SNRPN: variants seen among roughly 807,000 people sequenced by gnomAD.
SNRPN encodes the protein small nuclear ribonucleoprotein-associated protein N.
A neutral mutation model predicts 25.2 loss-of-function variants in SNRPN; 7 were observed. The observed-to-expected ratio is 0.28, with a 90% CI of 0.16 to 0.52. SNRPN has a LOEUF of 0.52. Ranked by LOEUF, SNRPN falls within the 20% of genes least tolerant of loss-of-function variation. SNRPN has a pLI of 0.96. For synonymous variants in SNRPN, 124 were observed against 110.6 expected (o/e 1.12, Z -0.76); for missense variants, 196 against 322.5 (o/e 0.61, Z 3.00).
At chr15:24,854,701 C>T (rs903260740), upstream of SNRPN, among the ~76,000 whole-genome samples, 2 of 152,116 alleles carry the variant, frequency 1.3e-5, no homozygotes, top group Middle Eastern at 3.2e-3. Flanking sequence ...TTTAACACAG[C>T]GACTATTAAT....
In SNRPN at chr15:24,873,433, TCTC is replaced by T. The variant is rs1180519704; in HGVS notation, c.-578-13080_-578-13078del. On this transcript the variant is annotated intron_variant, in intron 1 of 11. Coordinates refer to the SNRPN transcript ENST00000400097. ...CCTCTGCCTCCTGGGTTCAAGCAAT[TCTC>T]CTGCAAATATTTTGTCTCTCTTTTT... Among the ~76,000 whole-genome samples the T allele has an allele frequency of 1.8e-5, 2 of 112,892 alleles. 1 individual carries two copies. Among genetic ancestry groups the T allele is most frequent in the African/African-American group, 6.4e-5 (2 of 31,470 alleles). The allele number at this position is 112,892 out of a possible 152,430, so 74.1% of individuals were successfully genotyped here.
At chr15:24,919,959 TC>T (rs1283821849) in intron 2 of SNRPN, 1 of 152,196 alleles carries the variant, frequency 6.6e-6, no homozygotes, top group Non-Finnish European at 1.5e-5. Context: ...TACATGTACT[TC>T]TATTTTGAAT....
intron 1 of SNRPN, among the ~76,000 whole-genome samples, chr15:24,961,532 A>ACGTAACATGG (rs2074809082): frequency 6.6e-6 from 1 of 152,124 alleles, no homozygotes; most frequent in East Asian, 1.9e-4. Context: ...GGTTCTGCAG[A>ACGTAACATGG]CGTAACATGG....
intron 2 of SNRPN, among the ~76,000 whole-genome samples, chr15:24,965,843 T>C (rs1416975236): frequency 6.6e-6 from 1 of 152,030 alleles, no homozygotes; most frequent in Non-Finnish European, 1.5e-5. Context: ...TAGAGAATTA[T>C]CTTACGTTTC....
chr15:24,873,763 G>T (rs1476624118), intron 1 of SNRPN, among the ~76,000 whole-genome samples: 1 of 151,966 alleles, frequency 6.6e-6, no homozygotes, highest in South Asian at 2.1e-4. Context: ...TCTTTTTATG[G>T]TCTGAAATCA....
chr15:24,939,089 A>G (rs1000038652), intron 3 of SNRPN, among the ~76,000 whole-genome samples: 23 of 152,208 alleles, frequency 1.5e-4, no homozygotes, highest in Non-Finnish European at 2.9e-5. Context: ...AGTCAAACAC[A>G]GAAGCTAAGA....
chr15:24,831,581 T>C (rs2050522438), intron 2 of SNRPN, among the ~76,000 whole-genome samples: 1 of 152,026 alleles, frequency 6.6e-6, no homozygotes, highest in Non-Finnish European at 1.5e-5. Flanking sequence ...TTTTTCTTCC[T>C]ATCTAACTGA....
chr15:24,943,325 C>T (rs184654991), intron 3 of SNRPN, among the ~76,000 whole-genome samples: 1 of 152,270 alleles, frequency 6.6e-6, no homozygotes, highest in East Asian at 1.9e-4. Flanking sequence ...TTGTCCACTT[C>T]TGGGTGGTAT....
At chr15:24,969,822 A>G (rs746504967) in intron 3 of SNRPN, among the ~76,000 whole-genome samples, 19 of 152,222 alleles carry the variant, frequency 1.2e-4, no homozygotes, top group Non-Finnish European at 2.4e-4. Context: ...TATCTGGACC[A>G]CTACCTGTGT....
In SNRPN at chr15:24,977,048, G is replaced by T; in HGVS notation, c.420+19G>T. 1.3e-6 allele frequency: 2 copies of T among 1,540,390 alleles called. No homozygotes were observed. Among genetic ancestry groups the T allele is most frequent in the East Asian group, 2.3e-5 (1 of 43,244 alleles). On this transcript the variant is annotated intron_variant, in intron 7 of 9. Transcript: ENST00000390687. The stretch of plus-strand genomic sequence containing the variant: ...CCAGCAGGTGAGGAACCAGCAGAGG[G>T]TTTTATATTATTGGGAGAATATGAC...
chr15:24,846,910 A>T (rs889406828), intron 2 of SNRPN, among the ~76,000 whole-genome samples: 1 of 152,312 alleles, frequency 6.6e-6, no homozygotes, highest in East Asian at 1.9e-4. Context: ...TTTGAAAGAA[A>T]AAACAAATGT....
chr15:24,825,181 C>A (rs1448965421), intron 1 of SNRPN, among the ~76,000 whole-genome samples: 2 of 151,534 alleles, frequency 1.3e-5, no homozygotes, highest in Non-Finnish European at 2.9e-5. Context: ...GTTTCAATAC[C>A]CTATACAGAA....
intron 3 of SNRPN, among the ~76,000 whole-genome samples, chr15:24,970,228 C>T (rs1439905523): frequency 2.0e-5 from 3 of 152,098 alleles, no homozygotes; most frequent in Non-Finnish European, 2.9e-5. Flanking sequence ...TTAAACACTT[C>T]GTACCCGTTT....
At chr15:24,869,556 C>G (rs571206547) in intron 1 of SNRPN, among the ~76,000 whole-genome samples, 2 of 152,264 alleles carry the variant, frequency 1.3e-5, no homozygotes, top group East Asian at 3.9e-4. Flanking sequence ...ATGACATTAA[C>G]ATCCCCAATT....
intron 2 of SNRPN, among the ~76,000 whole-genome samples, chr15:24,894,903 G>A (rs2057975060): frequency 6.6e-6 from 1 of 152,174 alleles, no homozygotes. Flanking sequence ...TGTAACAAGA[G>A]ACAGATTAAT....
At chr15:24,943,445 G>A (rs1348403614) in intron 3 of SNRPN, among the ~76,000 whole-genome samples, 1 of 152,116 alleles carries the variant, frequency 6.6e-6, no homozygotes, top group East Asian at 1.9e-4. Context: ...GATAGAGAAA[G>A]CAGTGTAGCA....
rs555593497 is a variant in SNRPN at position 24,943,028 on chromosome 15, C to CT, written c.-390-19073dup. Among the ~76,000 whole-genome samples, 612 of 145,612 alleles carry CT rather than the reference C, an allele frequency of 4.2e-3. 2 individuals are homozygous for CT. Among genetic ancestry groups the CT allele is most frequent in the South Asian group, 0.018 (81 of 4,500 alleles). On this transcript the variant is annotated intron_variant, in intron 3 of 11. Transcript: ENST00000400097. ...TTCACATGGCCACAAATGTCTTTAC[C>CT]TTTTTTTTTTTTTGGGGCTGATTTA...
chr15:24,853,578 G>A (rs938545670), upstream of SNRPN, among the ~76,000 whole-genome samples: 15 of 151,894 alleles, frequency 9.9e-5, no homozygotes, highest in African/African-American at 3.6e-4. Context: ...TATTTTTAGT[G>A]GAGACGGGGT....
intron 2 of SNRPN, among the ~76,000 whole-genome samples, chr15:24,846,127 C>T (rs1031164738): frequency 2.0e-4 from 31 of 151,962 alleles, no homozygotes; most frequent in Non-Finnish European, 3.7e-4. Flanking sequence ...CTTTCCAATC[C>T]ATTAAATTGG....
Sources: gnomAD v4.1 joint callset for allele counts (sites outside exome capture counted in the v4.1 genomes callset) on GRCh38, gnomAD v4.1.1 for gene constraint, MANE v1.5 for transcripts, NCBI Gene and HGNC (gene_info 2026-07-23, HGNC 2026-07-21) for gene names.